The following CDH8 variants were observed in gnomAD, a reference collection of about 807,000 sequenced individuals.
The protein encoded by CDH8 is cadherin 8, also known as cadherin-8.
Under a neutral mutation model 68.1 loss-of-function variants are expected in CDH8, and 17 were observed. The observed-to-expected ratio is 0.25, with a 90% confidence interval of 0.17 to 0.37. CDH8 has a LOEUF of 0.37. Among genes scored for constraint, CDH8 ranks in the 10% least tolerant of loss-of-function variants. CDH8 has a pLI of 1.00. For synonymous variants in CDH8, 372 were observed against 365.1 expected, an observed-to-expected ratio of 1.02 and a Z score of -0.21; for missense variants, 763 against 999.3, an observed-to-expected ratio of 0.76 and a Z score of 3.19.
At chr16:61,768,398 TTCTC>T (rs530131371) in intron 8 of CDH8, among the ~76,000 whole-genome samples, 516 of 35,216 alleles carry the variant, frequency 0.015, 10 homozygotes, top group East Asian at 0.043. Flanking sequence ...CTCTCTCCCT[TTCTC>T]TCTCTCTCTC....
chr16:61,923,295 T>C (rs1021908969), intron 2 of CDH8, among the ~76,000 whole-genome samples: 10 of 152,154 alleles, frequency 6.6e-5, no homozygotes, highest in African/African-American at 2.4e-4. Context: ...CCACCGTCGG[T>C]CAGACACTCA....
At chr16:61,688,931 G>C (rs1964162640) in intron 10 of CDH8, among the ~76,000 whole-genome samples, 1 of 151,976 alleles carries the variant, frequency 6.6e-6, no homozygotes, top group African/African-American at 2.4e-5. Context: ...GGTTTGCTCA[G>C]TGAAAGGATT....
intron 7 of CDH8, among the ~76,000 whole-genome samples, chr16:61,798,270 T>A (rs890102057): frequency 6.6e-6 from 1 of 152,172 alleles, no homozygotes; most frequent in Admixed American, 6.5e-5. Context: ...AACAAAGTTT[T>A]AGTGACTGCC....
At position 61,712,878 on chromosome 16, in the gene CDH8, T is replaced by C. The variant is rs956110416; in HGVS notation, c.1654+963A>G. On this transcript the variant is annotated intron_variant, in intron 10 of 11. Transcript: ENST00000577390. ...AGCCATAAAATGTTATTTTACTTCA[T>C]AAAGGAAATTTTATCAAGATTCACT... 8.2e-4 allele frequency among the ~76,000 whole-genome samples: 125 copies of C among 151,818 alleles called. 1 individual carries two copies. The highest frequency in any genetic ancestry group is 2.8e-3 in the African/African-American group (116 of 41,524).
At chr16:61,820,340 T>TTTTA (rs1962183303) in intron 6 of CDH8, among the ~76,000 whole-genome samples, 1 of 144,782 alleles carries the variant, frequency 6.9e-6, no homozygotes, top group African/African-American at 2.6e-5. Flanking sequence ...TTTTTTTTTT[T>TTTTA]AGTTTCCATG....
At chr16:61,823,550 T>C (rs552722620) in intron 5 of CDH8, among the ~76,000 whole-genome samples, 1 of 152,006 alleles carries the variant, frequency 6.6e-6, no homozygotes, top group African/African-American at 2.4e-5. Flanking sequence ...TCACCTTTTA[T>C]GTGAATGATT....
At chr16:61,951,829 A>T (rs1964903778) in intron 2 of CDH8, among the ~76,000 whole-genome samples, 1 of 152,206 alleles carries the variant, frequency 6.6e-6, no homozygotes, top group Non-Finnish European at 1.5e-5. Flanking sequence ...ACTACATTAA[A>T]CAATAAAATA....
At chr16:61,760,566 G>C (rs1471999529) in intron 8 of CDH8, among the ~76,000 whole-genome samples, 2 of 152,014 alleles carry the variant, frequency 1.3e-5, no homozygotes, top group African/African-American at 4.8e-5. Context: ...TCCCGCCTCA[G>C]CCTCTTAAAG....
intron 7 of CDH8, among the ~76,000 whole-genome samples, chr16:61,811,456 C>A: frequency 6.6e-6 from 1 of 152,046 alleles, no homozygotes; most frequent in East Asian, 1.9e-4. Context: ...GGTGGGAATG[C>A]AAAATGGTGG....
At chr16:61,787,991 T>C (rs1452367320) in intron 8 of CDH8, among the ~76,000 whole-genome samples, 1 of 145,276 alleles carries the variant, frequency 6.9e-6, no homozygotes, top group Non-Finnish European at 1.5e-5. Context: ...TAATGCTAGA[T>C]GACGAGTTAG....
At chr16:61,995,616 A>T (rs941016762) in intron 2 of CDH8, among the ~76,000 whole-genome samples, 4 of 152,104 alleles carry the variant, frequency 2.6e-5, no homozygotes, top group African/African-American at 9.7e-5. Context: ...TAATCTTGTG[A>T]TCTGCCTGCC....
chr16:61,694,226 C>T (rs749693349), intron 10 of CDH8, among the ~76,000 whole-genome samples: 5 of 152,184 alleles, frequency 3.3e-5, no homozygotes, highest in Admixed American at 6.5e-5. Flanking sequence ...TTTATAAACA[C>T]TAACAATGGA....
chr16:62,011,641 T>G (rs1191425140), intron 2 of CDH8, among the ~76,000 whole-genome samples: 1 of 150,156 alleles, frequency 6.7e-6, no homozygotes, highest in African/African-American at 2.5e-5. Context: ...TTTAAAGCCT[T>G]TAATGTGCAT....
At position 61,821,098 on chromosome 16, in the gene CDH8, G is replaced by A. The variant is rs765334615; in HGVS notation, c.851C>T (p.Ser284Leu). The change falls in exon 6 of 12, where the codon TCA becomes TTA. Residue 284 changes from serine (S) to leucine (L), a missense_variant. By Grantham distance (145) the Ser-to-Leu change is moderately radical. Coordinates refer to ENST00000577390, the MANE Select transcript of CDH8 (RefSeq NM_001796.5). ...PKFAQSLYHF[S>L]VPEDVVLGTA... ...GCCAAGAACCACATCTTCCGGTACT[G>A]AGAAGTGATACAGGCCTTTAAAAAG... The A allele has an allele frequency of 1.2e-6, 2 of 1,610,592 alleles. No homozygotes were observed. The highest frequency in any genetic ancestry group is 4.5e-5 in the East Asian group (2 of 44,796).
intron 2 of CDH8, chr16:61,934,318 T>A (rs552215954): frequency 1.3e-5 from 2 of 150,916 alleles, no homozygotes; most frequent in Non-Finnish European, 2.9e-5. Context: ...TCCCTCCTAA[T>A]AAGCATAGCT....
At chr16:61,904,356 G>GC (rs915509179) in intron 2 of CDH8, among the ~76,000 whole-genome samples, 4 of 151,838 alleles carry the variant, frequency 2.6e-5, no homozygotes, top group Admixed American at 2.6e-4. Flanking sequence ...GTCAACGTAC[G>GC]CCCCCTAAGA....
chr16:61,936,891 A>C (rs766285759), intron 2 of CDH8, among the ~76,000 whole-genome samples: 5 of 152,214 alleles, frequency 3.3e-5, no homozygotes, highest in African/African-American at 4.8e-5. Flanking sequence ...ATTATCTTTT[A>C]TCATATTCTT....
At chr16:61,902,953 T>C (rs969789487) in intron 2 of CDH8, among the ~76,000 whole-genome samples, 1 of 152,218 alleles carries the variant, frequency 6.6e-6, no homozygotes, top group African/African-American at 2.4e-5. Flanking sequence ...ATTAATGTGA[T>C]ATTAATCCTA....
chr16:61,798,235 C>T (rs892463987), intron 7 of CDH8, among the ~76,000 whole-genome samples: 4 of 152,120 alleles, frequency 2.6e-5, no homozygotes, highest in African/African-American at 9.7e-5. Context: ...GATTACATTG[C>T]AAATTTGATT....
Sources: gnomAD v4.1 joint callset for allele counts (sites outside exome capture counted in the v4.1 genomes callset) on GRCh38, gnomAD v4.1.1 for gene constraint, MANE v1.5 for transcripts, NCBI Gene and HGNC (gene_info 2026-07-23, HGNC 2026-07-21) for gene names.